PCDHA1: variants seen among roughly 807,000 people sequenced by gnomAD.
PCDHA1 encodes the protein protocadherin alpha 1, also known as protocadherin alpha-1.
PCDHA1 carries 42 observed loss-of-function variants against 61.3 expected under a neutral mutation model. The ratio of observed to expected loss-of-function variants is 0.69; its 90% CI spans 0.54 to 0.89. The LOEUF (loss-of-function observed/expected upper bound fraction) is 0.89. Among genes scored for constraint, PCDHA1 ranks in the 40% least tolerant of loss-of-function variants. The probability of loss-of-function intolerance (pLI) is 0.00; values close to 1 mark genes in which losing one functional copy is unlikely to be tolerated. For synonymous variants in PCDHA1, 610 were observed against 553.8 expected (o/e 1.10, Z -1.43); for missense variants, 1,256 against 1,235.3 (o/e 1.02, Z -0.25).
intron 1 of PCDHA1, chr5:140,928,010 G>A: frequency 1.2e-6 from 2 of 1,614,168 alleles, no homozygotes; most frequent in Non-Finnish European, 1.7e-6. Context: ...GATTCTAATG[G>A]TAGGGTCATT....
intron 1 of PCDHA1, among the ~76,000 whole-genome samples, chr5:140,914,012 G>A (rs2153528687): frequency 6.6e-6 from 1 of 152,234 alleles, no homozygotes; most frequent in Admixed American, 6.5e-5. Context: ...CTATCTTTGA[G>A]AATGATCCAC....
chr5:140,866,808 G>C (rs995846650), intron 1 of PCDHA1: 1 of 152,114 alleles, frequency 6.6e-6, no homozygotes, highest in East Asian at 1.9e-4. Context: ...CAGGCACAAA[G>C]TTCCTTAATC....
At chr5:140,810,171 AGTT>A (rs1764612189) in intron 1 of PCDHA1, 1 of 152,272 alleles carries the variant, frequency 6.6e-6, no homozygotes. Flanking sequence ...TGTTATATGT[AGTT>A]GTAGTTTATT....
rs372235129 is a variant in PCDHA1 at position 140,927,231 on chromosome 5, C to T, written c.2395-51718C>T. On this transcript the variant is annotated intron_variant, in intron 1 of 3. Transcript: ENST00000504120. ...TGGAGCTGCACAAGATTCGGATTCA[C>T]GTCCTGGACACCAATGACAACTCAC... 3.7e-6 allele frequency: 6 copies of T among 1,614,020 alleles called. No individual in the cohort carries two copies. In the African/African-American group the frequency reaches 4.0e-5, roughly 11 times the overall value.
At chr5:140,970,156 T>G (rs933887683) in intron 1 of PCDHA1, among the ~76,000 whole-genome samples, 1 of 152,188 alleles carries the variant, frequency 6.6e-6, no homozygotes, top group Non-Finnish European at 1.5e-5. Flanking sequence ...CTCCCAATAG[T>G]CACCTTTCTT....
At position 140,928,086 on chromosome 5, in the gene PCDHA1, G is replaced by A. The variant is rs17844363; in HGVS notation, c.2395-50863G>A. The A allele has an allele frequency of 1.9e-4, 304 of 1,614,206 alleles. No homozygotes were observed. The East Asian group carries it at 3.7e-3, about 20-fold the overall frequency. On this transcript the variant is annotated intron_variant, in intron 1 of 3. Transcript: ENST00000504120. ...CCTTTGACAACTACTACAGCCTGCT[G>A]ATTGATGGGCCCCTGGACCGGGAGC...
At chr5:140,875,516 T>G in intron 1 of PCDHA1, 1 of 1,613,976 alleles carries the variant, frequency 6.2e-7, no homozygotes, top group Non-Finnish European at 8.5e-7. Context: ...CAGCGTCTGC[T>G]GCTCTCGCTT....
intron 1 of PCDHA1, chr5:140,805,423 T>C (rs1763564687): frequency 9.4e-7 from 1 of 1,061,906 alleles, no homozygotes; most frequent in East Asian, 7.7e-5. Context: ...GGTTTTTTGT[T>C]GTTGTTTTGG....
intron 1 of PCDHA1, among the ~76,000 whole-genome samples, chr5:140,970,314 A>G (rs141905108): frequency 0.01 from 1,597 of 152,320 alleles, 13 homozygotes; most frequent in Middle Eastern, 0.014. Flanking sequence ...AAGTTAAATG[A>G]CAGTACTTCC....
intron 1 of PCDHA1, chr5:140,854,159 C>CTAAAA (rs2043003709): frequency 3.1e-6 from 1 of 323,772 alleles, no homozygotes; most frequent in Admixed American, 1.0e-4. Context: ...GATTCTGTCT[C>CTAAAA]AAAAAAAAAA....
intron 3 of PCDHA1, among the ~76,000 whole-genome samples, chr5:141,008,506 T>G (rs1362141784): frequency 5.9e-5 from 9 of 152,202 alleles, no homozygotes; most frequent in African/African-American, 2.2e-4. Context: ...CTTTATGGTG[T>G]GTCTTCCAAT....
intron 1 of PCDHA1, chr5:140,870,983 C>T (rs1554164955): frequency 1.2e-6 from 2 of 1,613,520 alleles, no homozygotes; most frequent in East Asian, 2.2e-5. Context: ...GGGCTGTACA[C>T]GGGCGAGATA....
intron 1 of PCDHA1, chr5:140,809,031 C>A (rs1554124952): frequency 5.0e-6 from 8 of 1,613,858 alleles, no homozygotes; most frequent in Non-Finnish European, 6.8e-6. Context: ...CAGCCGGGGA[C>A]TGGTGGCGCG....
chr5:140,801,735 T>A (rs371671577), intron 1 of PCDHA1: 13 of 1,613,984 alleles, frequency 8.1e-6, no homozygotes, highest in Non-Finnish European at 1.1e-5. Context: ...ATATTTTACC[T>A]TGGACGTTAA....
At chr5:140,825,053 T>C (rs1768434684) in intron 1 of PCDHA1, 1 of 152,046 alleles carries the variant, frequency 6.6e-6, no homozygotes, top group South Asian at 2.1e-4. Context: ...TTTCACCTCC[T>C]TCATGAAGCC....
At chr5:140,869,615 G>A (rs373081906) in intron 1 of PCDHA1, 4 of 1,613,740 alleles carry the variant, frequency 2.5e-6, no homozygotes, top group East Asian at 4.5e-5. Flanking sequence ...TTGACCTACA[G>A]GCTAAGTAAA....
At chr5:140,999,933 A>T (rs1554257043) in intron 3 of PCDHA1, among the ~76,000 whole-genome samples, 1 of 152,124 alleles carries the variant, frequency 6.6e-6, no homozygotes, top group African/African-American at 2.4e-5. Context: ...AGCTCAACTC[A>T]TTCCACCCAA....
At chr5:140,858,837 T>A (rs2045615327) in intron 1 of PCDHA1, 1 of 319,506 alleles carries the variant, frequency 3.1e-6, no homozygotes, top group Non-Finnish European at 5.9e-6. Context: ...TACCAAAAAA[T>A]TCCACTGATC....
chr5:140,927,098 A>G (rs1554204018), intron 1 of PCDHA1: 4 of 1,613,286 alleles, frequency 2.5e-6, no homozygotes, highest in Non-Finnish European at 3.4e-6. Flanking sequence ...TTCGGGGTGG[A>G]TCTACCCAGC....
Sources: gnomAD v4.1 joint callset for allele counts (sites outside exome capture counted in the v4.1 genomes callset) on GRCh38, gnomAD v4.1.1 for gene constraint, MANE v1.5 for transcripts, NCBI Gene and HGNC (gene_info 2026-07-23, HGNC 2026-07-21) for gene names.